SRD5A2: variants seen among roughly 807,000 people sequenced by gnomAD.
The protein encoded by SRD5A2 is steroid 5 alpha-reductase 2.
Under a neutral mutation model 27.4 loss-of-function variants are expected in SRD5A2, and 30 were observed. That is an observed-to-expected ratio of 1.10 (90% CI 0.82 to 1.49). The LOEUF is 1.49. SRD5A2 is among the 40% of genes most tolerant of loss of function. The probability of loss-of-function intolerance (pLI) is 0.00; values close to 1 mark genes in which losing one functional copy is unlikely to be tolerated. For missense variants in SRD5A2, 348 were observed against 323.4 expected, an observed-to-expected ratio of 1.08 and a Z score of -0.58; for synonymous variants, 141 against 133.6, an observed-to-expected ratio of 1.06 and a Z score of -0.38.
chr2:31,646,130 T>A, the SRD5A2 span, among the ~76,000 whole-genome samples: 1 of 152,224 alleles, frequency 6.6e-6, no homozygotes, highest in Admixed American at 6.5e-5. Context: ...CAATTAGCTA[T>A]GATGCTCCAA....
At chr2:31,570,713 G>A (rs1156608309) in intron 1 of SRD5A2, among the ~76,000 whole-genome samples, 1 of 152,152 alleles carries the variant, frequency 6.6e-6, no homozygotes, top group East Asian at 1.9e-4. Flanking sequence ...AAAATTACTA[G>A]CATTCCTATA....
intron 1 of SRD5A2, among the ~76,000 whole-genome samples, chr2:31,566,928 C>T (rs146293045): frequency 1.7e-3 from 259 of 152,196 alleles, no homozygotes; most frequent in African/African-American, 5.9e-3. Context: ...ACTTTATATT[C>T]CAATCATGGT....
chr2:31,644,922 T>A, the SRD5A2 span, among the ~76,000 whole-genome samples: 2 of 152,216 alleles, frequency 1.3e-5, no homozygotes, highest in Non-Finnish European at 2.9e-5. Context: ...AAATAATATG[T>A]CCAGATTCAA....
chr2:31,610,154 T>C, the SRD5A2 span, among the ~76,000 whole-genome samples: 1 of 152,110 alleles, frequency 6.6e-6, no homozygotes, highest in Non-Finnish European at 1.5e-5. Context: ...GGAGGGAATA[T>C]TTTCAAATTT....
intron 1 of SRD5A2, among the ~76,000 whole-genome samples, chr2:31,574,968 T>TAG (rs1485463592): frequency 6.6e-6 from 1 of 152,228 alleles, no homozygotes; most frequent in Non-Finnish European, 1.5e-5. Context: ...GTTGCTGCAA[T>TAG]AGAGATCATG....
At chr2:31,568,268 G>A (rs1208908831) in intron 1 of SRD5A2, among the ~76,000 whole-genome samples, 1 of 152,144 alleles carries the variant, frequency 6.6e-6, no homozygotes, top group Non-Finnish European at 1.5e-5. Context: ...TGACAAGCAG[G>A]GGGGCATGTT....
chr2:31,558,902 T>C (rs930500466), intron 1 of SRD5A2, among the ~76,000 whole-genome samples: 1 of 152,188 alleles, frequency 6.6e-6, no homozygotes, highest in South Asian at 2.1e-4. Context: ...AACACATTAC[T>C]CAGAATGTAA....
chr2:31,594,793 A>G, the SRD5A2 span, among the ~76,000 whole-genome samples: 5 of 152,304 alleles, frequency 3.3e-5, no homozygotes, highest in Non-Finnish European at 7.4e-5. Context: ...TCCAAGATAG[A>G]TCATATGAGA....
the SRD5A2 span, among the ~76,000 whole-genome samples, chr2:31,595,484 A>T: frequency 6.6e-6 from 1 of 152,112 alleles, no homozygotes; most frequent in South Asian, 2.1e-4. Flanking sequence ...GCAATATACA[A>T]CCCTCCCAGA....
chr2:31,523,476 GC>G lies in SRD5A2; in HGVS notation c.*2719del, dbSNP rs1665703056. ...CCAGCTCTGTACCAGCTGTGAGGAG[GC>G]CTTTTAACTCTGTGGGTCTCAGTGT... On this transcript the variant is annotated 3_prime_UTR_variant, in exon 5 of 5. Transcript: ENST00000622030. 1 of 221,496 alleles carries G rather than the reference GC, an allele frequency of 4.5e-6. No homozygotes were observed. The highest frequency in any genetic ancestry group is 5.7e-5 in the Admixed American group (1 of 17,410). 13.7% of individuals were successfully genotyped at this position (221,496 alleles called of 1,614,324 possible).
At chr2:31,561,491 T>C (rs1156396288) in intron 1 of SRD5A2, among the ~76,000 whole-genome samples, 1 of 152,158 alleles carries the variant, frequency 6.6e-6, no homozygotes, top group Non-Finnish European at 1.5e-5. Context: ...GGCAGATCCA[T>C]TTAAATCATG....
chr2:31,526,544 G>A (rs571867893), intron 4 of SRD5A2, among the ~76,000 whole-genome samples: 12 of 152,120 alleles, frequency 7.9e-5, no homozygotes, highest in East Asian at 7.7e-4. Flanking sequence ...AATTAAAAAC[G>A]GCTAAAGTGG....
intron 3 of SRD5A2, 117 bp downstream of exon 3, chr2:31,531,254 C>T: frequency 1.5e-6 from 1 of 682,040 alleles, no homozygotes; most frequent in Admixed American, 2.8e-5. Context: ...CAAGAGCAAG[C>T]TGAGAGGTAT....
the SRD5A2 span, among the ~76,000 whole-genome samples, chr2:31,634,400 C>T: frequency 6.6e-6 from 1 of 152,020 alleles, no homozygotes; most frequent in Non-Finnish European, 1.5e-5. Flanking sequence ...ATATGTGTAA[C>T]TGGAATCCTA....
chr2:31,538,764 A>G (rs1252285019), intron 1 of SRD5A2, among the ~76,000 whole-genome samples: 1 of 152,188 alleles, frequency 6.6e-6, no homozygotes, highest in African/African-American at 2.4e-5. Context: ...TCCAGCACTC[A>G]CTAGCCTCAT....
chr2:31,548,660 T>G (rs1412839112), intron 1 of SRD5A2, among the ~76,000 whole-genome samples: 1 of 152,176 alleles, frequency 6.6e-6, no homozygotes, highest in Non-Finnish European at 1.5e-5. Flanking sequence ...GTGCAGCCAC[T>G]GAGGAAAACA....
chr2:31,653,835 T>G, the SRD5A2 span, among the ~76,000 whole-genome samples: 2 of 152,122 alleles, frequency 1.3e-5, no homozygotes, highest in Non-Finnish European at 2.9e-5. Flanking sequence ...AATTTTTGTA[T>G]TTTTAGTAGA....
At chr2:31,645,611 T>C in the SRD5A2 span, among the ~76,000 whole-genome samples, 2 of 152,206 alleles carry the variant, frequency 1.3e-5, no homozygotes, top group African/African-American at 4.8e-5. Flanking sequence ...CTCTGGTTTT[T>C]AAAAAGTTAG....
At chr2:31,542,161 C>T (rs1282496327) in intron 1 of SRD5A2, among the ~76,000 whole-genome samples, 1 of 152,168 alleles carries the variant, frequency 6.6e-6, no homozygotes. Context: ...TTTACTCCCA[C>T]CATCTGCTTA....
Sources: gnomAD v4.1 joint callset for allele counts (sites outside exome capture counted in the v4.1 genomes callset) on GRCh38, gnomAD v4.1.1 for gene constraint, MANE v1.5 for transcripts, NCBI Gene and HGNC (gene_info 2026-07-23, HGNC 2026-07-21) for gene names.